Variants in NSD2 observed in about 807,000 individuals in gnomAD.
NSD2 encodes the protein histone-lysine N-methyltransferase NSD2.
NSD2 carries 12 observed loss-of-function variants against 139.0 expected under a neutral mutation model. That is an observed-to-expected ratio of 0.09 (90% CI 0.06 to 0.14). The LOEUF is 0.14. Ranked by LOEUF, NSD2 falls within the 10% of genes least tolerant of loss-of-function variation. The pLI, the probability that NSD2 is intolerant of heterozygous loss-of-function variation, is 1.00. For synonymous variants in NSD2, 669 were observed against 648.7 expected (o/e 1.03, Z -0.48); for missense variants, 1,155 against 1,745.0 (o/e 0.66, Z 6.02).
chr4:1,945,828 C>T (rs1007308050), intron 9 of NSD2: 3 of 1,063,594 alleles, frequency 2.8e-6, no homozygotes, highest in African/African-American at 3.3e-5. Flanking sequence ...TGGAGAGGCT[C>T]CTGTCTGATA....
intron 1 of NSD2, among the ~76,000 whole-genome samples, chr4:1,895,059 T>C (rs183702648): frequency 2.0e-5 from 3 of 152,220 alleles, no homozygotes; most frequent in Admixed American, 2.0e-4. Flanking sequence ...GTCTGCCTTA[T>C]TTCACTTAGC....
In NSD2 at chr4:1,974,814, T is replaced by C; in HGVS notation, c.3373-49T>C. 1.2e-6 allele frequency: 2 copies of C among 1,609,792 alleles called. No homozygotes were observed. The highest frequency in any genetic ancestry group is 2.2e-5 in the East Asian group (1 of 44,786). On this transcript the variant is annotated intron_variant, in intron 18 of 21. Coordinates refer to ENST00000508803, the MANE Select transcript of NSD2 (RefSeq NM_001042424.3). The surrounding 1 kb of genome is among the most constrained non-coding windows in gnomAD (Gnocchi z 4.0). The stretch of plus-strand genomic sequence containing the variant: ...TGATGGTGAAAATTCCCTTTAAAAA[T>C]AACATGCGATTGCTAACACTTGACC...
intron 17 of NSD2, among the ~76,000 whole-genome samples, chr4:1,960,032 A>G (rs995963269): frequency 1.4e-4 from 21 of 149,980 alleles, no homozygotes; most frequent in Admixed American, 2.7e-4. Flanking sequence ...TAATAATTTT[A>G]TTTTTTTTTG....
Position 1,982,159 on chromosome 4 carries a change from A to G in NSD2, c.*3250A>G. The G allele has an allele frequency of 2.6e-6, 1 of 389,540 alleles. No homozygotes were observed. The highest frequency in any genetic ancestry group is 4.5e-6 in the Non-Finnish European group (1 of 221,018). 24.1% of individuals were successfully genotyped at this position (389,540 alleles called of 1,614,324 possible). On this transcript the variant is annotated 3_prime_UTR_variant, in exon 22 of 22. Coordinates refer to ENST00000508803, the MANE Select transcript of NSD2 (RefSeq NM_001042424.3). Reference sequence around the variant, plus strand: ...GAAAGCTGTGTTTGGAAAATTGTGTATGAGTATTTTTGTATTAAAAACATT... The same window carrying G: ...GAAAGCTGTGTTTGGAAAATTGTGTGTGAGTATTTTTGTATTAAAAACATT...
At chr4:1,938,025 C>T (rs1488586073) in intron 7 of NSD2, among the ~76,000 whole-genome samples, 1 of 152,148 alleles carries the variant, frequency 6.6e-6, no homozygotes, top group Non-Finnish European at 1.5e-5. Flanking sequence ...TGATTGGGCA[C>T]CTCTTGAATG....
In NSD2 at chr4:1,976,688, G is replaced by C; in HGVS notation, c.3826+9G>C. On this transcript the variant is annotated intron_variant, in intron 21 of 21. Coordinates refer to ENST00000508803, the MANE Select transcript of NSD2 (RefSeq NM_001042424.3). This position sits in a 1 kb window ranked among gnomAD's most constrained non-coding sequence, Gnocchi z 5.3. The stretch of plus-strand genomic sequence containing the variant: ...TGGCAAGCGGCCCTTCGGTGGGTGT[G>C]CAGCCTCGCGGTGGCTTGCAGCTGT... 6.4e-7 allele frequency: 1 copy of C among 1,559,564 alleles called. No individual in the cohort carries two copies. Among genetic ancestry groups the C allele is most frequent in the Non-Finnish European group, 8.7e-7 (1 of 1,152,002 alleles).
rs1374016516 is a variant in NSD2 at position 1,979,375 on chromosome 4, G to C, written c.*466G>C. ...GCTGGGTGAGGCCCGTGTGAGGACT[G>C]ACCCTGGATTCCTCGAAACTGCCAT... On this transcript the variant is annotated 3_prime_UTR_variant, in exon 22 of 22. Transcript: ENST00000508803. The C allele has an allele frequency of 8.4e-6, 2 of 236,868 alleles. No individual in the cohort carries two copies. The highest frequency in any genetic ancestry group is 2.2e-5 in the African/African-American group (1 of 45,628). 14.7% of individuals were successfully genotyped at this position (236,868 alleles called of 1,614,324 possible). A position where few individuals can be genotyped will look rare whatever the true frequency, so the allele number is the denominator to read the frequency against.
intron 9 of NSD2, 37 bp downstream of exon 9, chr4:1,939,815 T>A: frequency 6.2e-7 from 1 of 1,613,884 alleles, no homozygotes; most frequent in Non-Finnish European, 8.5e-7. Flanking sequence ...ATGGCATTGG[T>A]ATGAAGGCCA....
At chr4:1,907,615 C>CTTTTTTTT (rs765535552) in intron 3 of NSD2, among the ~76,000 whole-genome samples, 7 of 93,656 alleles carry the variant, frequency 7.5e-5, no homozygotes, top group Non-Finnish European at 1.0e-4. Context: ...TGTTGAATCT[C>CTTTTTTTT]TTTTTTTTTT....
At chr4:1,909,682 C>G (rs1478874018) in intron 3 of NSD2, among the ~76,000 whole-genome samples, 1 of 151,668 alleles carries the variant, frequency 6.6e-6, no homozygotes, top group Admixed American at 6.6e-5. Context: ...GCTCACTCGT[C>G]CAGGCTGGAG....
At chr4:1,930,899 CA>C in intron 6 of NSD2, 129 bp downstream of exon 6, 1 of 1,238,778 alleles carries the variant, frequency 8.1e-7, no homozygotes. Flanking sequence ...GGGTTTGGGC[CA>C]GCGGTCCAAG....
At chr4:1,917,670 C>A (rs1015770481) in intron 4 of NSD2, among the ~76,000 whole-genome samples, 3 of 152,132 alleles carry the variant, frequency 2.0e-5, no homozygotes, top group Non-Finnish European at 4.4e-5. Context: ...CTCCTGACCT[C>A]AGGTGATGTG....
In NSD2 at chr4:1,981,543, C is replaced by A. The variant is rs112691599; in HGVS notation, c.*2634C>A. 1 of 303,920 alleles carries A rather than the reference C, an allele frequency of 3.3e-6. No homozygotes were observed. The highest frequency in any genetic ancestry group is 4.8e-5 in the East Asian group (1 of 20,646). The allele number at this position is 303,920 out of a possible 1,614,324, so 18.8% of individuals were successfully genotyped here. The stretch of plus-strand genomic sequence containing the variant: ...ACCCATACCCACCCGTGTGCGCCCA[C>A]AGGGGGATGTGTCCGAATGGGCAGC... On this transcript the variant is annotated 3_prime_UTR_variant, in exon 22 of 22. Coordinates refer to ENST00000508803, the MANE Select transcript of NSD2 (RefSeq NM_001042424.3).
Position 1,900,749 on chromosome 4 carries a change from A to T in NSD2, c.95A>T (p.Asn32Ile). ...KQAPEILGSA[N>I]GKTPSCEVNR... ...GCACCAGAAATCCTCGGCAGTGCCAACGGGAAGACTCCGAGCTGCGAGGTG... is the reference window on the plus strand; with the variant it reads ...GCACCAGAAATCCTCGGCAGTGCCATCGGGAAGACTCCGAGCTGCGAGGTG... The change falls in exon 2 of 22, where the codon AAC becomes ATC. Residue 32 changes from asparagine to isoleucine, a missense_variant. Asn to Ile is a moderately radical substitution (Grantham distance 149, BLOSUM62 -3). Around this residue, in one of 8 missense-constraint regions of NSD2, gnomAD observed 246 missense variants for 262.8 expected, o/e 0.94. Coordinates refer to ENST00000508803, the MANE Select transcript of NSD2 (RefSeq NM_001042424.3). The T allele has an allele frequency of 6.2e-7, 1 of 1,614,192 alleles. No homozygotes were observed. The highest frequency in any genetic ancestry group is 8.5e-7 in the Non-Finnish European group (1 of 1,180,036).
chr4:1,916,074 G>A (rs1201878061), intron 3 of NSD2, among the ~76,000 whole-genome samples: 1 of 152,110 alleles, frequency 6.6e-6, no homozygotes, highest in Non-Finnish European at 1.5e-5. Flanking sequence ...AGACTAGTGG[G>A]CATCTGTGGG....
intron 21 of NSD2, among the ~76,000 whole-genome samples, chr4:1,977,032 A>G (rs1727159710): frequency 6.6e-6 from 1 of 152,174 alleles, no homozygotes; most frequent in African/African-American, 2.4e-5. Flanking sequence ...CCCTCCTAGG[A>G]GAAAGGCCTC....
chr4:1,975,872 C>T (rs1727021576), intron 20 of NSD2, among the ~76,000 whole-genome samples: 1 of 152,212 alleles, frequency 6.6e-6, no homozygotes, highest in South Asian at 2.1e-4. Context: ...CCCATCTTAA[C>T]AGATCTCATT....
In NSD2 at chr4:1,976,492, A is replaced by C; in HGVS notation, c.3639A>C (p.Ser1213=). The change falls in exon 21 of 22, where the codon TCA becomes TCC. Residue 1213 remains serine, a synonymous_variant. Transcript: ENST00000508803. The surrounding 1 kb of genome is among the most constrained non-coding windows in gnomAD (Gnocchi z 5.3). Reference sequence around the variant, plus strand: ...GACTCTAGACCTCGACGACCCTTTCATCAGAGGAAAAGGGCAAAAAGACCA... The same window carrying C: ...GACTCTAGACCTCGACGACCCTTTCCTCAGAGGAAAAGGGCAAAAAGACCA... The part of the protein sequence containing the change: ...GDRPKTSTTL[S]SEEKGKKTKK... The C allele has an allele frequency of 6.2e-7, 1 of 1,613,628 alleles. No homozygotes were observed. The highest frequency in any genetic ancestry group is 1.7e-5 in the Admixed American group (1 of 59,902).
rs774270285 is a variant in NSD2, at chr4:1,948,621, A to G, written c.1882-2451A>G. The G allele has an allele frequency of 9.4e-7, 1 of 1,062,040 alleles. No homozygotes were observed. The allele number at this position is 1,062,040 out of a possible 1,614,324, so 65.8% of individuals were successfully genotyped here. A position where few individuals can be genotyped will look rare whatever the true frequency, so the allele number is the denominator to read the frequency against. ...TGGACTGTACTATTGTAAGGTCTAT[A>G]TTCTGTATGTGGGTCCCAGACCCTG... On this transcript the variant is annotated intron_variant, in intron 9 of 21. Coordinates refer to ENST00000508803, the MANE Select transcript of NSD2 (RefSeq NM_001042424.3). This position sits in a 1 kb window ranked among gnomAD's most constrained non-coding sequence, Gnocchi z 4.5.
Sources: allele counts gnomAD v4.1 joint callset (sites outside exome capture counted in the v4.1 genomes callset), GRCh38; gene constraint gnomAD v4.1.1; regional missense constraint gnomAD v4.1.1; non-coding constraint Gnocchi (gnomAD v3.1); transcripts MANE v1.5; gene names NCBI Gene and HGNC (gene_info 2026-07-23, HGNC 2026-07-21).